The following CNN2 variants were observed in gnomAD, a reference collection of about 807,000 sequenced individuals.
CNN2 encodes calponin-2.
In CNN2, 21 loss-of-function variants were observed where a neutral mutation model predicts 31.0. The observed-to-expected ratio is 0.68, with a 90% CI of 0.48 to 0.98. The LOEUF (loss-of-function observed/expected upper bound fraction) is 0.98, where lower values mean the gene tolerates loss of function less well. Ranked by LOEUF, CNN2 falls within the 50% of genes least tolerant of loss-of-function variation. The probability of loss-of-function intolerance (pLI) is 0.00; values close to 1 mark genes in which losing one functional copy is unlikely to be tolerated. For missense variants in CNN2, 399 were observed against 427.3 expected (o/e 0.93, Z 0.58); for synonymous variants, 165 against 179.6 (o/e 0.92, Z 0.65).
rs9797749 is a variant in CNN2, at chr19:1,033,728, G to T, written c.390+1032G>T. Among the ~76,000 whole-genome samples, 7 of 77,210 alleles carry T rather than the reference G, an allele frequency of 9.1e-5. No homozygotes were observed. The East Asian group carries it at 1.6e-3, about 17-fold the overall frequency. 50.7% of individuals were successfully genotyped at this position (77,210 alleles called of 152,430 possible). The stretch of plus-strand genomic sequence containing the variant: ...AGACCGGGAGCGTGGGTGGGACACG[G>T]TGTCTGGTGTAGACGGGGAGCGTGG... On this transcript the variant is annotated intron_variant, in intron 4 of 6. Coordinates refer to ENST00000263097, the MANE Select transcript of CNN2 (RefSeq NM_004368.4).
intron 4 of CNN2, among the ~76,000 whole-genome samples, chr19:1,033,730 G>T: frequency 9.4e-6 from 1 of 106,174 alleles, no homozygotes; most frequent in South Asian, 4.2e-4. Flanking sequence ...GGGACACGGT[G>T]TCTGGTGTAG....
chr19:1,027,082 A>C, intron 1 of CNN2: 1 of 225,062 alleles, frequency 4.4e-6, no homozygotes, highest in Non-Finnish European at 8.8e-6. Flanking sequence ...AAGGTCCGAC[A>C]ACGCTCTGGG....
At chr19:1,028,933 C>G (rs2039444466) in intron 1 of CNN2, among the ~76,000 whole-genome samples, 1 of 152,212 alleles carries the variant, frequency 6.6e-6, no homozygotes, top group African/African-American at 2.4e-5. Context: ...GCCTTTGCCT[C>G]CTCTGGGCTA....
rs1212905246 is a variant in CNN2, at chr19:1,036,630, C to T, written c.654+68C>T. 6 of 1,579,256 alleles carry T rather than the reference C, an allele frequency of 3.8e-6. No homozygotes were observed. The Admixed American group carries it at 1.0e-4, about 26-fold the overall frequency. ...CTACACCCTGTGGTCTCGGCCCCTC[C>T]CTGGGGCCACCTCCAGCTTCTCTCC... On this transcript the variant is annotated intron_variant, in intron 6 of 6. Coordinates refer to ENST00000263097, the MANE Select transcript of CNN2 (RefSeq NM_004368.4).
intron 2 of CNN2, 138 bp downstream of exon 2, chr19:1,031,330 G>A (rs56707950): frequency 0.17 from 46,956 of 281,158 alleles, 8,138 homozygotes; most frequent in African/African-American, 0.37. Context: ...TTTGGAGGCC[G>A]AGGGTGGTGG....
At chr19:1,035,808 G>C (rs957204094) in intron 4 of CNN2, among the ~76,000 whole-genome samples, 1 of 152,202 alleles carries the variant, frequency 6.6e-6, no homozygotes, top group African/African-American at 2.4e-5. Flanking sequence ...TGTAATCCTA[G>C]CTACTTGGGA....
Position 1,032,703 on chromosome 19 carries a change from C to A in CNN2, c.390+7C>A, listed in dbSNP as rs4315451. On this transcript the variant is annotated splice_region_variant and intron_variant, in intron 4 of 6. Transcript: ENST00000263097. ...TCTCGCCCTGGCGGGGAAGGTGAGG[C>A]CCAGAGAGGGGCAGCCACCTGCCCA... is the stretch of plus-strand genomic sequence containing the variant. 1 of 1,600,640 alleles carries A rather than the reference C, an allele frequency of 6.2e-7. No individual in the cohort carries two copies. The highest frequency in any genetic ancestry group is 1.7e-5 in the Admixed American group (1 of 59,002).
At position 1,028,033 on chromosome 19, in the gene CNN2, C is replaced by T. The variant is rs35981894; in HGVS notation, c.63+1309C>T. Among the ~76,000 whole-genome samples, 883 of 152,346 alleles carry T rather than the reference C, an allele frequency of 5.8e-3. 4 individuals carry two copies. The highest frequency in any genetic ancestry group is 9.9e-3 in the Non-Finnish European group (673 of 68,026). ...CTCCTCCTTCAAGGGGCCATCTGCACCCTGCATTCATAGAGCCCCCCGTGC... is the reference window on the plus strand; with the variant it reads ...CTCCTCCTTCAAGGGGCCATCTGCATCCTGCATTCATAGAGCCCCCCGTGC... On this transcript the variant is annotated intron_variant, in intron 1 of 6. Transcript: ENST00000263097.
At position 1,026,875 on chromosome 19, in the gene CNN2, G is replaced by A; in HGVS notation, c.63+151G>A. ...CCTTGTTCTCCCTGACGCCTGGTGG[G>A]GGGATGTCTGCGGGCACCCCCTGAG... On this transcript the variant is annotated intron_variant, in intron 1 of 6. Transcript: ENST00000263097. The A allele has an allele frequency of 1.1e-5, 8 of 718,126 alleles. No individual in the cohort carries two copies. The South Asian group carries it at 1.7e-4, about 15-fold the overall frequency. 44.5% of individuals were successfully genotyped at this position (718,126 alleles called of 1,614,324 possible).
intron 4 of CNN2, among the ~76,000 whole-genome samples, chr19:1,033,622 G>T (rs2039535302): frequency 6.6e-6 from 1 of 152,146 alleles, no homozygotes; most frequent in South Asian, 2.1e-4. Flanking sequence ...GCGTGGGTGG[G>T]ACAGTGGTGT....
At chr19:1,029,851 C>T (rs990888966) in intron 1 of CNN2, among the ~76,000 whole-genome samples, 3 of 152,020 alleles carry the variant, frequency 2.0e-5, no homozygotes, top group African/African-American at 4.8e-5. Context: ...AGGTGCCCAC[C>T]ACCACGCCCA....
chr19:1,026,765 G>T, intron 1 of CNN2, 41 bp downstream of exon 1: 3 of 1,536,180 alleles, frequency 2.0e-6, no homozygotes, highest in Non-Finnish European at 2.6e-6. Context: ...CAGCGCGGCC[G>T]TCGCACGCTC....
In CNN2 at chr19:1,026,686, G is replaced by C; in HGVS notation, c.25G>C (p.Gly9Arg). The change falls in exon 1 of 7, where the codon GGC becomes CGC. Residue 9 changes from glycine (G) to arginine (R), a missense_variant. Physicochemically the swap from Gly to Arg is moderately radical, Grantham distance 125. Transcript: ENST00000263097. MSSTQFNKGPSYGLSAEVK... is the reference protein window; with the variant it reads MSSTQFNKRPSYGLSAEVK... Reference sequence around the variant, plus strand: ...CATGAGCTCCACGCAGTTCAACAAGGGCCCCTCGTACGGGCTGTCGGCCGA... The same window carrying C: ...CATGAGCTCCACGCAGTTCAACAAGCGCCCCTCGTACGGGCTGTCGGCCGA... 3 of 1,549,398 alleles carry C rather than the reference G, an allele frequency of 1.9e-6. No individual in the cohort carries two copies. Among genetic ancestry groups the C allele is most frequent in the Non-Finnish European group, 2.6e-6 (3 of 1,147,044 alleles).
chr19:1,028,130 A>T (rs2144613197), intron 1 of CNN2, among the ~76,000 whole-genome samples: 1 of 152,188 alleles, frequency 6.6e-6, no homozygotes, highest in South Asian at 2.1e-4. Flanking sequence ...GGACCCAGAG[A>T]CGTCGTTCCA....
intron 4 of CNN2, among the ~76,000 whole-genome samples, chr19:1,035,313 A>C (rs1266951435): frequency 1.3e-5 from 2 of 152,074 alleles, no homozygotes; most frequent in Non-Finnish European, 2.9e-5. Flanking sequence ...CAAGGTCTTG[A>C]CATTGGAATT....
chr19:1,035,579 T>C (rs2039568313), intron 4 of CNN2, among the ~76,000 whole-genome samples: 1 of 152,162 alleles, frequency 6.6e-6, no homozygotes, highest in South Asian at 2.1e-4. Flanking sequence ...ATTCTTGGCC[T>C]GAGCCCTGGA....
chr19:1,035,998 G>A, intron 4 of CNN2, 132 bp from the exon 5 acceptor site: 1 of 1,376,490 alleles, frequency 7.3e-7, no homozygotes, highest in Non-Finnish European at 9.6e-7. Flanking sequence ...CCCGAGAGAT[G>A]TGCCTGTGGG....
At position 1,032,614 on chromosome 19, in the gene CNN2, T is replaced by C. The variant is rs751468321; in HGVS notation, c.308T>C (p.Val103Ala). The change falls in exon 4 of 7, where the codon GTG (valine) becomes GCG (alanine). Residue 103 changes from valine (V) to alanine (A), a missense_variant. Physicochemically the swap from Val to Ala is moderately conservative, Grantham distance 64 (BLOSUM62 0). Transcript: ENST00000263097. The part of the protein sequence containing the change: ...KAMVSYGMNP[V>A]DLFEANDLFE... ...ATGGTCAGCTACGGCATGAACCCTG[T>C]GGACCTGTTCGAGGCCAACGACCTG... 21 of 1,612,890 alleles carry C rather than the reference T, an allele frequency of 1.3e-5. No homozygotes were observed. The highest frequency in any genetic ancestry group is 6.7e-5 in the Admixed American group (4 of 59,988).
chr19:1,033,244 G>A (rs142786112), intron 4 of CNN2, among the ~76,000 whole-genome samples: 72 of 152,032 alleles, frequency 4.7e-4, no homozygotes, highest in African/African-American at 1.5e-3. Context: ...CTGGCCGGGC[G>A]CAGTGGCTCA....
Sources: allele counts gnomAD v4.1 joint callset (sites outside exome capture counted in the v4.1 genomes callset), GRCh38; gene constraint gnomAD v4.1.1; transcripts MANE v1.5; gene names NCBI Gene and HGNC (gene_info 2026-07-23, HGNC 2026-07-21).